TMEM9: variants seen among roughly 807,000 people sequenced by gnomAD.
TMEM9 encodes the protein proton-transporting V-type ATPase complex assembly regulator TMEM9.
In TMEM9, 13 loss-of-function variants were observed where a neutral mutation model predicts 22.8. The ratio of observed to expected loss-of-function variants is 0.57; its 90% CI spans 0.37 to 0.91. The LOEUF (loss-of-function observed/expected upper bound fraction) is 0.91, where lower values mean the gene tolerates loss of function less well. Among genes scored for constraint, TMEM9 ranks in the 40% least tolerant of loss-of-function variants. The pLI is 0.01. For synonymous variants in TMEM9, 88 were observed against 93.0 expected (o/e 0.95, Z 0.31); for missense variants, 182 against 238.1 (o/e 0.76, Z 1.55).
chr1:201,150,663 G>A (rs2102271392), intron 2 of TMEM9, among the ~76,000 whole-genome samples: 1 of 152,222 alleles, frequency 6.6e-6, no homozygotes, highest in East Asian at 1.9e-4. Context: ...TCTCAGAGTT[G>A]GAAATTCAAC....
At chr1:201,169,410 AC>A (rs905876370) in intron 1 of TMEM9, among the ~76,000 whole-genome samples, 3 of 152,176 alleles carry the variant, frequency 2.0e-5, no homozygotes, top group Non-Finnish European at 4.4e-5. Flanking sequence ...GTGGTGATCC[AC>A]CCACTCTGCA....
chr1:201,147,393 G>A (rs1665065492), intron 2 of TMEM9, among the ~76,000 whole-genome samples: 1 of 152,132 alleles, frequency 6.6e-6, no homozygotes, highest in Non-Finnish European at 1.5e-5. Context: ...CCACTTCACT[G>A]TCCGGGTCAA....
intron 1 of TMEM9, among the ~76,000 whole-genome samples, chr1:201,171,245 C>T (rs962611931): frequency 1.3e-5 from 2 of 152,170 alleles, no homozygotes; most frequent in African/African-American, 4.8e-5. Flanking sequence ...CCCAGGCCCC[C>T]TGCCGGACGG....
rs1664627738 is a variant in TMEM9 at position 201,142,646 on chromosome 1, T to C, written c.399+1174A>G. Among the ~76,000 whole-genome samples the C allele has an allele frequency of 1.3e-5, 2 of 152,260 alleles. 1 individual carries two copies. The highest frequency in any genetic ancestry group is 1.3e-4 in the Admixed American group (2 of 15,292). ...AGGCGCTTCCCGACTAGATATTCCT[T>C]ATGCATACGCATGAGTTCACTCAGG... On this transcript the variant is annotated intron_variant, in intron 4 of 4. Coordinates refer to ENST00000367330, the MANE Select transcript of TMEM9 (RefSeq NM_001288565.2).
intron 4 of TMEM9, among the ~76,000 whole-genome samples, chr1:201,137,395 T>C (rs1466635907): frequency 2.0e-5 from 3 of 152,118 alleles, no homozygotes; most frequent in African/African-American, 7.2e-5. Context: ...CAAGCTTCAA[T>C]TTAATGTAGT....
At chr1:201,159,482 TATAC>T (rs1371794045), upstream of TMEM9, among the ~76,000 whole-genome samples, 1 of 84,450 alleles carries the variant, frequency 1.2e-5, no homozygotes, top group Non-Finnish European at 2.2e-5. Flanking sequence ...TTTGCCTTTT[TATAC>T]ACACACACAC....
chr1:201,164,728 A>G (rs1452552760), intron 1 of TMEM9, among the ~76,000 whole-genome samples: 2 of 152,120 alleles, frequency 1.3e-5, no homozygotes, highest in African/African-American at 4.8e-5. Context: ...AACGTGCTTT[A>G]TTCTCAGACA....
rs1665629905 is a variant in TMEM9 at position 201,153,840 on chromosome 1, C to A, written c.66+18G>T. 6.2e-7 allele frequency: 1 copy of A among 1,614,084 alleles called. No individual in the cohort carries two copies. Among genetic ancestry groups the A allele is most frequent in the Non-Finnish European group, 8.5e-7 (1 of 1,180,004 alleles). ...GCACTGTGGTCGTGACCAGGTGCTG[C>A]AGGCTCACCTCCCTCACCTTGTTGG... On this transcript the variant is annotated intron_variant, in intron 1 of 4. Transcript: ENST00000367330.
rs368648796 is a variant in TMEM9 at position 201,160,637 on chromosome 1, T to TAA, written c.-36-6680_-36-6679dup. ...ACTGGGGAAATTTTTTTTTTTTTTT[T>TAA]AAAATCGAGGACCCTAGGGCTGGGC... On this transcript the variant is annotated intron_variant, in intron 1 of 5. Coordinates refer to the TMEM9 transcript ENST00000367333. Among the ~76,000 whole-genome samples, 680 of 149,810 alleles carry TAA rather than the reference T, an allele frequency of 4.5e-3. 10 individuals carry two copies. Among genetic ancestry groups the TAA allele is most frequent in the African/African-American group, 0.016 (643 of 40,618 alleles).
intron 2 of TMEM9, among the ~76,000 whole-genome samples, chr1:201,150,777 TC>T (rs1447356521): frequency 6.6e-6 from 1 of 152,114 alleles, no homozygotes; most frequent in African/African-American, 2.4e-5. Context: ...ATTTGAAGAA[TC>T]AAAATCGAGC....
chr1:201,134,881 G>A lies in TMEM9; in HGVS notation c.*782C>T, dbSNP rs911347611. On this transcript the variant is annotated 3_prime_UTR_variant, in exon 5 of 5. Coordinates refer to ENST00000367330, the MANE Select transcript of TMEM9 (RefSeq NM_001288565.2). ...CTGGTACAACGAAGTTCAGGGACAA[G>A]AGGCAACCCAAGTACAGGGGCTGTG... The A allele has an allele frequency of 6.5e-6, 1 of 152,816 alleles. No individual in the cohort carries two copies. Among genetic ancestry groups the A allele is most frequent in the South Asian group, 2.1e-4 (1 of 4,832 alleles). The allele number at this position is 152,816 out of a possible 1,614,324, so 9.5% of individuals were successfully genotyped here.
intron 1 of TMEM9, among the ~76,000 whole-genome samples, chr1:201,169,039 C>T (rs988527557): frequency 1.4e-5 from 2 of 145,386 alleles, no homozygotes; most frequent in African/African-American, 2.6e-5. Flanking sequence ...TGGGCTAAAG[C>T]GATTAGAGGG....
chr1:201,138,368 A>G (rs1211221235), intron 4 of TMEM9, among the ~76,000 whole-genome samples: 3 of 152,246 alleles, frequency 2.0e-5, no homozygotes, highest in African/African-American at 4.8e-5. Context: ...CTGAGTTTCC[A>G]TCGCTAATAG....
At chr1:201,147,509 C>T (rs1214589485) in intron 2 of TMEM9, among the ~76,000 whole-genome samples, 1 of 152,202 alleles carries the variant, frequency 6.6e-6, no homozygotes, top group African/African-American at 2.4e-5. Flanking sequence ...CTCCTTTATT[C>T]TCTCCCACTG....
At position 201,169,311 on chromosome 1, in the gene TMEM9, G is replaced by A. The variant is rs865838729; in HGVS notation, c.-37+2179C>T. 2.4e-4 allele frequency among the ~76,000 whole-genome samples: 37 copies of A among 152,300 alleles called. 2 individuals carry two copies. The highest frequency in any genetic ancestry group is 6.8e-3 in the Middle Eastern group (2 of 294). ...TTAGTGAATAGTACGAGTGTAACGT[G>A]ACTGACAAGAACAAACAAGCTAATT... On this transcript the variant is annotated intron_variant, in intron 1 of 5. Coordinates refer to the TMEM9 transcript ENST00000367333.
intron 2 of TMEM9, 128 bp from the exon 3 acceptor site, chr1:201,146,976 A>T: frequency 1.3e-6 from 1 of 743,862 alleles, no homozygotes; most frequent in South Asian, 1.7e-5. Context: ...GCTCCCAGAG[A>T]GGGCCAAGGG....
intron 1 of TMEM9, among the ~76,000 whole-genome samples, chr1:201,153,112 T>C (rs182037114): frequency 6.6e-6 from 1 of 152,236 alleles, no homozygotes; most frequent in African/African-American, 2.4e-5. Context: ...TATGTTGCTG[T>C]GTCTAACAGC....
At chr1:201,140,634 G>A (rs1444912184) in intron 4 of TMEM9, among the ~76,000 whole-genome samples, 1 of 152,046 alleles carries the variant, frequency 6.6e-6, no homozygotes, top group African/African-American at 2.4e-5. Flanking sequence ...GGAACCAAGG[G>A]GTCCCTAACC....
At chr1:201,163,008 G>A (rs1294592518) in intron 1 of TMEM9, among the ~76,000 whole-genome samples, 1 of 152,240 alleles carries the variant, frequency 6.6e-6, no homozygotes, top group Non-Finnish European at 1.5e-5. Flanking sequence ...AATGAAGGCA[G>A]AGTGTGGTGG....
Sources: allele counts gnomAD v4.1 joint callset (sites outside exome capture counted in the v4.1 genomes callset), GRCh38; gene constraint gnomAD v4.1.1; transcripts MANE v1.5; gene names NCBI Gene and HGNC (gene_info 2026-07-23, HGNC 2026-07-21).